PRSS38: variants seen among roughly 807,000 people sequenced by gnomAD.
The protein encoded by PRSS38 is marapsin 2.
In PRSS38, 22 loss-of-function variants were observed where a neutral mutation model predicts 26.8. The observed-to-expected ratio is 0.82, with a 90% confidence interval of 0.59 to 1.17. The LOEUF (loss-of-function observed/expected upper bound fraction) is 1.17. Among genes scored for constraint, PRSS38 ranks in the 50% most tolerant of loss-of-function variants. The pLI is 0.00. For synonymous variants in PRSS38, 175 were observed against 172.1 expected, an observed-to-expected ratio of 1.02 and a Z score of -0.13; for missense variants, 427 against 422.7, an observed-to-expected ratio of 1.01 and a Z score of -0.09.
chr1:227,819,964 C>G (rs1300857434), intron 3 of PRSS38, among the ~76,000 whole-genome samples: 1 of 151,880 alleles, frequency 6.6e-6, no homozygotes, highest in Non-Finnish European at 1.5e-5. Flanking sequence ...TGGCACTTGC[C>G]TGTAATCCCA....
chr1:227,832,753 A>G (rs986720779), intron 3 of PRSS38, among the ~76,000 whole-genome samples: 12 of 152,238 alleles, frequency 7.9e-5, no homozygotes, highest in African/African-American at 2.9e-4. Flanking sequence ...CTATATATAT[A>G]GAAAATCCCA....
intron 3 of PRSS38, among the ~76,000 whole-genome samples, chr1:227,837,159 T>C (rs1321564516): frequency 6.6e-6 from 1 of 152,098 alleles, no homozygotes; most frequent in Admixed American, 6.5e-5. Flanking sequence ...CCTGGATAGT[T>C]TTTACTCATG....
At chr1:227,827,118 A>G (rs1394461066) in intron 3 of PRSS38, among the ~76,000 whole-genome samples, 9 of 152,162 alleles carry the variant, frequency 5.9e-5, no homozygotes, top group African/African-American at 2.2e-4. Context: ...ATGTTCATCA[A>G]GTATATTGAC....
intron 3 of PRSS38, among the ~76,000 whole-genome samples, chr1:227,827,190 G>A (rs1034952179): frequency 7.9e-5 from 12 of 152,144 alleles, no homozygotes; most frequent in Admixed American, 6.5e-4. Flanking sequence ...GATGATGCTG[G>A]CCTCATAGAA....
intron 3 of PRSS38, among the ~76,000 whole-genome samples, chr1:227,832,952 A>G (rs891829930): frequency 2.0e-5 from 3 of 152,238 alleles, no homozygotes; most frequent in Non-Finnish European, 4.4e-5. Context: ...AAACCAAAAT[A>G]TACCTATAAT....
At chr1:227,824,231 C>G (rs942413050) in intron 3 of PRSS38, among the ~76,000 whole-genome samples, 3 of 152,128 alleles carry the variant, frequency 2.0e-5, no homozygotes, top group African/African-American at 4.8e-5. Context: ...CTCTATCCCC[C>G]CAAACAGGCC....
At chr1:227,818,675 CAA>C (rs71180764) in intron 3 of PRSS38, among the ~76,000 whole-genome samples, 104 of 61,042 alleles carry the variant, frequency 1.7e-3, no homozygotes, top group East Asian at 5.9e-3. Context: ...GACCTTCTCT[CAA>C]AAAAAAAAAA....
rs535236959 is a variant in PRSS38 at position 227,846,330 on chromosome 1, G to A, written c.*122G>A. ...AAGCAGACAAGGGCCACCTATCCCGGGGGTGGATGCTGAGTCCAGGAGGTG... is the reference window on the plus strand; with the variant it reads ...AAGCAGACAAGGGCCACCTATCCCGAGGGTGGATGCTGAGTCCAGGAGGTG... On this transcript the variant is annotated 3_prime_UTR_variant, in exon 5 of 5. Coordinates refer to ENST00000366757, the Ensembl canonical transcript of PRSS38. 5.1e-5 allele frequency: 65 copies of A among 1,282,498 alleles called. No homozygotes were observed. In the African/African-American group the frequency reaches 8.6e-4, roughly 17 times the overall value. The allele number at this position is 1,282,498 out of a possible 1,614,324, so 79.4% of individuals were successfully genotyped here.
intron 3 of PRSS38, among the ~76,000 whole-genome samples, chr1:227,840,107 G>A (rs1317053219): frequency 6.6e-6 from 1 of 152,064 alleles, no homozygotes; most frequent in African/African-American, 2.4e-5. Context: ...TGTGAGCTTA[G>A]GATGGTTTCT....
chr1:227,842,239 A>G (rs1381236285), intron 3 of PRSS38, among the ~76,000 whole-genome samples: 1 of 152,150 alleles, frequency 6.6e-6, no homozygotes, highest in African/African-American at 2.4e-5. Context: ...TCTGTGATCT[A>G]TAGGCCCAAG....
intron 3 of PRSS38, among the ~76,000 whole-genome samples, 157 bp from the exon 4 acceptor site, chr1:227,845,313 G>A (rs1350626211): frequency 1.3e-5 from 2 of 151,924 alleles, no homozygotes; most frequent in Non-Finnish European, 1.5e-5. Flanking sequence ...CTCCCTATGT[G>A]TGGTGGGACT....
intron 3 of PRSS38, among the ~76,000 whole-genome samples, chr1:227,823,035 T>C (rs1665024079): frequency 6.6e-6 from 1 of 152,156 alleles, no homozygotes; most frequent in African/African-American, 2.4e-5. Context: ...AGAGTAACCA[T>C]CACCCAAATA....
chr1:227,817,177 C>G (rs542697769), intron 2 of PRSS38, 32 bp from the exon 3 acceptor site: 2 of 1,595,132 alleles, frequency 1.3e-6, no homozygotes, highest in South Asian at 2.2e-5. Context: ...CAGGAAGCTG[C>G]GGGCATTGTA....
chr1:227,836,944 A>G (rs143351470), intron 3 of PRSS38, among the ~76,000 whole-genome samples: 7 of 152,288 alleles, frequency 4.6e-5, no homozygotes, highest in African/African-American at 1.7e-4. Flanking sequence ...TATTTCATCC[A>G]TAAATATTTC....
intron 3 of PRSS38, among the ~76,000 whole-genome samples, chr1:227,837,376 G>A (rs1432082405): frequency 4.6e-5 from 7 of 151,980 alleles, no homozygotes; most frequent in African/African-American, 4.8e-5. Context: ...AGCTTTTTTC[G>A]CTGACTACTG....
intron 3 of PRSS38, among the ~76,000 whole-genome samples, chr1:227,827,618 ATT>A (rs1221730018): frequency 1.4e-5 from 2 of 139,950 alleles, no homozygotes; most frequent in Admixed American, 7.3e-5. Flanking sequence ...TATCTTATTA[ATT>A]TTTTTTTTTT....
At chr1:227,819,868 T>C (rs1289563621) in intron 3 of PRSS38, among the ~76,000 whole-genome samples, 1 of 151,854 alleles carries the variant, frequency 6.6e-6, no homozygotes, top group East Asian at 1.9e-4. Context: ...AGGCGGGCGG[T>C]TCACAAGGTC....
chr1:227,840,330 C>G (rs749698068), intron 3 of PRSS38, among the ~76,000 whole-genome samples: 1 of 152,036 alleles, frequency 6.6e-6, no homozygotes, highest in African/African-American at 2.4e-5. Flanking sequence ...ACTATGTTGC[C>G]CAGGCTGGTC....
At position 227,844,594 on chromosome 1, in the gene PRSS38, G is replaced by A. The variant is rs540577304; in HGVS notation, c.584-876G>A. ...CAAAACTCCTCCCTATGTGTAGTGG[G>A]GCTCTTCCCTATGTGTGGTGGGGCT... On this transcript the variant is annotated intron_variant, in intron 3 of 4. Coordinates refer to ENST00000366757, the Ensembl canonical transcript of PRSS38. 1.4e-4 allele frequency among the ~76,000 whole-genome samples: 19 copies of A among 139,816 alleles called. 1 individual carries two copies. In the East Asian group the frequency reaches 2.6e-3, roughly 19 times the overall value. The allele number at this position is 139,816 out of a possible 152,430, so 91.7% of individuals were successfully genotyped here.
Sources: allele counts gnomAD v4.1 joint callset (sites outside exome capture counted in the v4.1 genomes callset), GRCh38; gene constraint gnomAD v4.1.1; transcripts MANE v1.5; gene names NCBI Gene and HGNC (gene_info 2026-07-23, HGNC 2026-07-21).